NLRP1: variants seen among roughly 807,000 people sequenced by gnomAD.
The protein encoded by NLRP1 is NLR family pyrin domain containing 1.
Under a neutral mutation model 136.7 loss-of-function variants are expected in NLRP1, and 94 were observed. The observed-to-expected ratio is 0.69, with a 90% CI of 0.58 to 0.82. The LOEUF (loss-of-function observed/expected upper bound fraction) is 0.82. Among genes scored for constraint, NLRP1 ranks in the 40% least tolerant of loss-of-function variants. The pLI is 0.00. For missense variants in NLRP1, 1,575 were observed against 1,802.7 expected, an observed-to-expected ratio of 0.87 and a Z score of 2.29; for synonymous variants, 690 against 725.1, an observed-to-expected ratio of 0.95 and a Z score of 0.78.
At chr17:5,562,365 A>T (rs1170095443) in intron 3 of NLRP1, among the ~76,000 whole-genome samples, 1 of 152,216 alleles carries the variant, frequency 6.6e-6, no homozygotes, top group African/African-American at 2.4e-5. Flanking sequence ...TGGAGGAGTG[A>T]GGTGGAGGAG....
chr17:5,579,626 G>A (rs1334678336), intron 3 of NLRP1, among the ~76,000 whole-genome samples: 1 of 152,274 alleles, frequency 6.6e-6, no homozygotes, highest in East Asian at 1.9e-4. Context: ...CCATAAAGAT[G>A]CATGTACATG....
intron 4 of NLRP1, among the ~76,000 whole-genome samples, chr17:5,556,705 C>G (rs1914135408): frequency 6.6e-6 from 1 of 151,922 alleles, no homozygotes; most frequent in African/African-American, 2.4e-5. Context: ...TCACTGCAAC[C>G]TCTGCCCCTG....
downstream of NLRP1, among the ~76,000 whole-genome samples, chr17:5,512,706 G>C (rs149650784): frequency 1.1e-5 from 1 of 90,382 alleles, no homozygotes; most frequent in Non-Finnish European, 2.2e-5. Context: ...TGTTGTCACC[G>C]TCTTGACATT....
chr17:5,507,073 G>A (rs1274649209), intron 15 of NLRP1, among the ~76,000 whole-genome samples: 2 of 152,050 alleles, frequency 1.3e-5, no homozygotes. Context: ...GTAGAATAGT[G>A]GTTCCCAGGG....
At chr17:5,581,579 T>C (rs1457157036) in intron 3 of NLRP1, among the ~76,000 whole-genome samples, 1 of 152,100 alleles carries the variant, frequency 6.6e-6, no homozygotes, top group African/African-American at 2.4e-5. Context: ...CCCTGTCCAG[T>C]AAACCAGGTG....
At chr17:5,519,041 C>T (rs1459151652) in intron 14 of NLRP1, among the ~76,000 whole-genome samples, 5 of 149,544 alleles carry the variant, frequency 3.3e-5, no homozygotes, top group South Asian at 2.1e-4. Context: ...CTCGCTCTGT[C>T]GCCCAGGCTG....
At chr17:5,509,894 A>G (rs572235584), downstream of NLRP1, among the ~76,000 whole-genome samples, 59 of 152,250 alleles carry the variant, frequency 3.9e-4, no homozygotes, top group South Asian at 0.012. Flanking sequence ...TGTAGGGTGG[A>G]TTAGTCTGAA....
Position 5,582,655 on chromosome 17 carries a change from C to G in NLRP1, c.448+15G>C. The G allele has an allele frequency of 6.2e-7, 1 of 1,613,410 alleles. No homozygotes were observed. The highest frequency in any genetic ancestry group is 8.5e-7 in the Non-Finnish European group (1 of 1,179,666). ...GCTCCACCCAGGGCTGTCAGCCTGC[C>G]TCAGCAAGCCTCACCTCTCCAGCGG... On this transcript the variant is annotated intron_variant, in intron 2 of 16. Transcript: ENST00000572272.
chr17:5,537,332 A>G lies in NLRP1; in HGVS notation c.2871-392T>C, dbSNP rs941243931. Among the ~76,000 whole-genome samples the G allele has an allele frequency of 2.0e-5, 3 of 152,140 alleles. No individual in the cohort carries two copies. The highest frequency in any genetic ancestry group is 4.4e-5 in the Non-Finnish European group (3 of 68,012). On this transcript the variant is annotated intron_variant, in intron 7 of 16. Coordinates refer to ENST00000572272, the MANE Select transcript of NLRP1 (RefSeq NM_033004.4). This position sits in a 1 kb window ranked among gnomAD's most constrained non-coding sequence, Gnocchi z 4.5. ...TGTGGCCTTGGGTGAGGTGGCTCTC[A>G]CTGGCAGAGGCTGTCTCTACAGCCG...
chr17:5,542,483 G>T (rs1199761974), intron 5 of NLRP1, among the ~76,000 whole-genome samples: 1 of 152,032 alleles, frequency 6.6e-6, no homozygotes, highest in Admixed American at 6.5e-5. Context: ...ACCTCATGGG[G>T]TGCTCCTCCA....
At chr17:5,521,431 TC>T in intron 13 of NLRP1, 92 bp downstream of exon 13, 1 of 1,330,568 alleles carries the variant, frequency 7.5e-7, no homozygotes, top group Non-Finnish European at 1.0e-6. Flanking sequence ...CCATCCTTGG[TC>T]CCAGTTGAAG....
At position 5,521,541 on chromosome 17, in the gene NLRP1, C is replaced by T. The variant is rs200659907; in HGVS notation, c.3766G>A (p.Asp1256Asn). Reference sequence around the variant, plus strand: ...AGTGTCACCTTCCGAATGGAGCAGTCACTTGGGATCAGGTAGAGGTGGAAG... The same window carrying T: ...AGTGTCACCTTCCGAATGGAGCAGTTACTTGGGATCAGGTAGAGGTGGAAG... ...VTFHLYLIPS[D>N]CSIRKAIDDL... is the part of the protein sequence containing the mutation. Residue 1256 changes from aspartate to asparagine, a missense_variant, in exon 13 of 17, where the codon GAC becomes AAC. Physicochemically the swap from Asp to Asn is conservative, Grantham distance 23 (BLOSUM62 1). Coordinates refer to ENST00000572272, the MANE Select transcript of NLRP1 (RefSeq NM_033004.4). 1 of 1,613,864 alleles carries T rather than the reference C, an allele frequency of 6.2e-7. No individual in the cohort carries two copies. Among genetic ancestry groups the T allele is most frequent in the Non-Finnish European group, 8.5e-7 (1 of 1,179,918 alleles).
At chr17:5,576,915 G>C (rs1905083357) in intron 3 of NLRP1, among the ~76,000 whole-genome samples, 1 of 152,164 alleles carries the variant, frequency 6.6e-6, no homozygotes, top group Non-Finnish European at 1.5e-5. Flanking sequence ...TATCCAGCAT[G>C]ATCAAGTGGG....
intron 3 of NLRP1, among the ~76,000 whole-genome samples, chr17:5,575,202 G>A (rs1904892197): frequency 6.6e-6 from 1 of 152,178 alleles, no homozygotes; most frequent in African/African-American, 2.4e-5. Context: ...ATGCTAGGAA[G>A]AAACTGCATC....
chr17:5,533,101 G>A (rs908377880), intron 10 of NLRP1, 117 bp from the exon 11 acceptor site: 581 of 1,420,842 alleles, frequency 4.1e-4, no homozygotes, highest in Non-Finnish European at 5.0e-4. Flanking sequence ...ATGGCAGGGA[G>A]TGTGTCTGCA....
chr17:5,503,783 G>C (rs73341257), intron 15 of NLRP1: 21,207 of 152,052 alleles, frequency 0.14, 1,660 homozygotes, highest in African/African-American at 0.21. Context: ...CTCGACACCA[G>C]AGCGTTCCAG....
chr17:5,572,890 G>A (rs1465441458), intron 3 of NLRP1, among the ~76,000 whole-genome samples: 1 of 152,198 alleles, frequency 6.6e-6, no homozygotes, highest in Non-Finnish European at 1.5e-5. Flanking sequence ...CCCAGGGTGA[G>A]CAGCGCAGAA....
chr17:5,577,026 A>C (rs1015954132), intron 3 of NLRP1, among the ~76,000 whole-genome samples: 1 of 152,236 alleles, frequency 6.6e-6, no homozygotes, highest in Admixed American at 6.5e-5. Context: ...TGATTATCTC[A>C]ATAGATGCAG....
intron 3 of NLRP1, among the ~76,000 whole-genome samples, chr17:5,567,633 T>G (rs1226833583): frequency 6.6e-6 from 1 of 152,134 alleles, no homozygotes; most frequent in Non-Finnish European, 1.5e-5. Context: ...ATATTCTGTG[T>G]TTTTCGGTGT....
Sources: allele counts gnomAD v4.1 joint callset (sites outside exome capture counted in the v4.1 genomes callset), GRCh38; gene constraint gnomAD v4.1.1; non-coding constraint Gnocchi (gnomAD v3.1); transcripts MANE v1.5; gene names NCBI Gene and HGNC (gene_info 2026-07-23, HGNC 2026-07-21).